Variants in AGBL4 observed in about 807,000 individuals in gnomAD.
AGBL4 encodes AGBL carboxypeptidase 4, also known as cytosolic carboxypeptidase 6.
In AGBL4, 58 loss-of-function variants were observed where a neutral mutation model predicts 66.4. The ratio of observed to expected loss-of-function variants is 0.87; its 90% CI spans 0.71 to 1.09. The LOEUF is 1.09. Ranked by LOEUF, AGBL4 falls within the 50% of genes least tolerant of loss-of-function variation. AGBL4 has a pLI of 0.00. For synonymous variants in AGBL4, 234 were observed against 222.9 expected, an observed-to-expected ratio of 1.05 and a Z score of -0.44; for missense variants, 579 against 631.0, an observed-to-expected ratio of 0.92 and a Z score of 0.88.
At chr1:49,283,220 C>G (rs950152568) in intron 3 of AGBL4, among the ~76,000 whole-genome samples, 1 of 152,168 alleles carries the variant, frequency 6.6e-6, no homozygotes, top group South Asian at 2.1e-4. Context: ...ACCCCTGACC[C>G]CCGAGCAGCC....
chr1:49,134,430 T>C (rs1291334966), intron 4 of AGBL4, among the ~76,000 whole-genome samples: 2 of 150,698 alleles, frequency 1.3e-5, no homozygotes, highest in Non-Finnish European at 3.0e-5. Context: ...TCTCCCTATC[T>C]ACAACTGCAT....
At chr1:49,276,370 T>A (rs1195179039) in intron 3 of AGBL4, among the ~76,000 whole-genome samples, 1 of 152,174 alleles carries the variant, frequency 6.6e-6, no homozygotes, top group Non-Finnish European at 1.5e-5. Flanking sequence ...GACTTTAAAC[T>A]GTGAAACTTT....
At chr1:48,629,140 A>G (rs777166250) in intron 9 of AGBL4, among the ~76,000 whole-genome samples, 7 of 152,196 alleles carry the variant, frequency 4.6e-5, no homozygotes, top group Non-Finnish European at 7.4e-5. Flanking sequence ...GTACATAGTT[A>G]GATGCTAGTG....
At chr1:49,594,579 A>G (rs149260849) in intron 3 of AGBL4, among the ~76,000 whole-genome samples, 1 of 152,158 alleles carries the variant, frequency 6.6e-6, no homozygotes, top group Non-Finnish European at 1.5e-5. Flanking sequence ...ATGTGTCCTC[A>G]CTGTCCAACT....
At chr1:49,721,401 T>C (rs1571404250) in intron 2 of AGBL4, among the ~76,000 whole-genome samples, 2 of 152,244 alleles carry the variant, frequency 1.3e-5, no homozygotes, top group Non-Finnish European at 1.5e-5. Flanking sequence ...GGCTTCATTC[T>C]TGAAGTCAGT....
chr1:49,596,057 T>A (rs909992638), intron 3 of AGBL4, among the ~76,000 whole-genome samples: 3 of 152,056 alleles, frequency 2.0e-5, no homozygotes, highest in African/African-American at 7.2e-5. Context: ...ACAGAAAGAA[T>A]GAGAATTTTG....
intron 5 of AGBL4, among the ~76,000 whole-genome samples, chr1:48,891,073 T>C (rs1650907372): frequency 6.6e-6 from 1 of 152,160 alleles, no homozygotes; most frequent in African/African-American, 2.4e-5. Flanking sequence ...CAAATTTAAT[T>C]TAAATGCTTT....
At chr1:49,792,927 G>T (rs998909292) in intron 2 of AGBL4, among the ~76,000 whole-genome samples, 1 of 151,924 alleles carries the variant, frequency 6.6e-6, no homozygotes, top group African/African-American at 2.4e-5. Flanking sequence ...TTTCTTATTT[G>T]TTTAATGAGA....
intron 2 of AGBL4, among the ~76,000 whole-genome samples, chr1:49,722,934 C>T (rs937448031): frequency 6.6e-6 from 1 of 152,118 alleles, no homozygotes; most frequent in African/African-American, 2.4e-5. Flanking sequence ...TCACATCTCA[C>T]TCCTCAACTT....
At chr1:48,923,289 G>C (rs913043110) in intron 5 of AGBL4, among the ~76,000 whole-genome samples, 6 of 152,094 alleles carry the variant, frequency 3.9e-5, no homozygotes, top group Non-Finnish European at 5.9e-5. Context: ...CTTCTAAATT[G>C]AGAACTCTTT....
chr1:48,828,809 A>G (rs911458619), intron 6 of AGBL4, among the ~76,000 whole-genome samples: 1 of 152,192 alleles, frequency 6.6e-6, no homozygotes, highest in Non-Finnish European at 1.5e-5. Flanking sequence ...TTGTAAGAAA[A>G]TGAAGAGTGA....
chr1:49,700,782 A>G (rs961270774), intron 2 of AGBL4, among the ~76,000 whole-genome samples: 1 of 152,168 alleles, frequency 6.6e-6, no homozygotes, highest in African/African-American at 2.4e-5. Context: ...ACATGCACAT[A>G]CATATACATA....
At chr1:49,347,493 C>A (rs1010295638) in intron 3 of AGBL4, among the ~76,000 whole-genome samples, 35 of 151,838 alleles carry the variant, frequency 2.3e-4, no homozygotes, top group African/African-American at 8.0e-4. Flanking sequence ...CCTCATGATC[C>A]GCCCGCCTCA....
intron 6 of AGBL4, among the ~76,000 whole-genome samples, chr1:48,701,902 T>C (rs1646808039): frequency 2.0e-5 from 3 of 152,226 alleles, no homozygotes; most frequent in Admixed American, 2.0e-4. Flanking sequence ...ATGAAGCACA[T>C]AAAATTACCC....
chr1:49,985,594 A>C (rs1452106378), intron 1 of AGBL4, among the ~76,000 whole-genome samples: 1 of 152,208 alleles, frequency 6.6e-6, no homozygotes, highest in Non-Finnish European at 1.5e-5. Flanking sequence ...AAGAATGCTT[A>C]CACATAATGA....
intron 5 of AGBL4, among the ~76,000 whole-genome samples, chr1:48,900,584 T>C (rs1467606585): frequency 1.3e-5 from 2 of 152,170 alleles, no homozygotes; most frequent in African/African-American, 4.8e-5. Context: ...CCCACACATA[T>C]ATAGACAACC....
intron 6 of AGBL4, among the ~76,000 whole-genome samples, chr1:48,697,302 C>T (rs916092178): frequency 4.6e-5 from 7 of 152,108 alleles, no homozygotes; most frequent in Non-Finnish European, 1.0e-4. Context: ...CTGGTGACTT[C>T]CAGCATGGCG....
intron 3 of AGBL4, among the ~76,000 whole-genome samples, chr1:49,405,288 C>T (rs1402070276): frequency 2.0e-5 from 3 of 152,130 alleles, no homozygotes; most frequent in Admixed American, 6.6e-5. Context: ...TCAAGAGAAA[C>T]ATTTCTCTAG....
intron 6 of AGBL4, among the ~76,000 whole-genome samples, chr1:48,669,144 A>G (rs1167687900): frequency 6.6e-6 from 1 of 152,202 alleles, no homozygotes; most frequent in Non-Finnish European, 1.5e-5. Flanking sequence ...GGTTCCACAG[A>G]GTATTGACTG....
Sources: gnomAD v4.1 joint callset for allele counts (sites outside exome capture counted in the v4.1 genomes callset) on GRCh38, gnomAD v4.1.1 for gene constraint, MANE v1.5 for transcripts, NCBI Gene and HGNC (gene_info 2026-07-23, HGNC 2026-07-21) for gene names.